Variants in AUH observed in about 807,000 individuals in gnomAD.
AUH encodes AU RNA binding methylglutaconyl-CoA hydratase.
A neutral mutation model predicts 42.3 loss-of-function variants in AUH; 29 were observed. The observed-to-expected ratio is 0.69, with a 90% CI of 0.51 to 0.93. AUH has a LOEUF of 0.93. Among genes scored for constraint, AUH ranks in the 40% least tolerant of loss-of-function variants. The pLI is 0.00. For synonymous variants in AUH, 174 were observed against 166.4 expected (o/e 1.05, Z -0.35); for missense variants, 452 against 438.1 (o/e 1.03, Z -0.28).
chr9:91,318,902 C>G (rs1829361277), intron 4 of AUH, among the ~76,000 whole-genome samples: 1 of 152,190 alleles, frequency 6.6e-6, no homozygotes, highest in Admixed American at 6.5e-5. Context: ...AAAATTCACA[C>G]TCTTTATCAT....
chr9:91,265,120 T>C (rs1302902274), intron 6 of AUH, among the ~76,000 whole-genome samples: 1 of 152,126 alleles, frequency 6.6e-6, no homozygotes, highest in Non-Finnish European at 1.5e-5. Flanking sequence ...TGGCTTTCAG[T>C]GGGTCTTTTT....
At chr9:91,342,698 CCAAT>C (rs1831197082) in intron 3 of AUH, 1 of 152,138 alleles carries the variant, frequency 6.6e-6, no homozygotes, top group African/African-American at 2.4e-5. Context: ...TTAGCAACAA[CCAAT>C]CAATCATTAC....
chr9:91,296,668 A>C (rs905121038), intron 5 of AUH, among the ~76,000 whole-genome samples: 1 of 152,202 alleles, frequency 6.6e-6, no homozygotes, highest in Non-Finnish European at 1.5e-5. Flanking sequence ...CCCATATTCT[A>C]ATTTCCAAAA....
intron 6 of AUH, among the ~76,000 whole-genome samples, chr9:91,255,251 G>A (rs1829347755): frequency 6.6e-6 from 1 of 152,150 alleles, no homozygotes; most frequent in Non-Finnish European, 1.5e-5. Flanking sequence ...CCCAGCATAA[G>A]AAAAGAAGTT....
intron 4 of AUH, among the ~76,000 whole-genome samples, chr9:91,314,330 C>T (rs1416998337): frequency 6.6e-6 from 1 of 151,250 alleles, no homozygotes; most frequent in Non-Finnish European, 1.5e-5. Flanking sequence ...CATGACGAAA[C>T]AACACAAAAC....
rs189904677 is a variant in AUH, at chr9:91,224,345, T to C, written c.656-3353A>G. Among the ~76,000 whole-genome samples, 540 of 152,336 alleles carry C rather than the reference T, an allele frequency of 3.5e-3. 14 individuals carry two copies. The highest frequency in any genetic ancestry group is 0.033 in the Admixed American group (507 of 15,304). ...TGTTGAGTTACAGGAGTTCTTTATA[T>C]ATTCTGGATATTAATCCTTTATCAG... On this transcript the variant is annotated intron_variant, in intron 6 of 9. Coordinates refer to ENST00000375731, the MANE Select transcript of AUH (RefSeq NM_001698.3).
chr9:91,230,105 C>A (rs988257790), intron 6 of AUH, among the ~76,000 whole-genome samples: 14 of 151,222 alleles, frequency 9.3e-5, no homozygotes, highest in Non-Finnish European at 1.9e-4. Flanking sequence ...TGTTGGCCTG[C>A]CTTGCTAGAT....
chr9:91,230,538 C>T (rs529393043), intron 6 of AUH, among the ~76,000 whole-genome samples: 10 of 152,302 alleles, frequency 6.6e-5, no homozygotes, highest in African/African-American at 1.7e-4. Flanking sequence ...TCGTCTGAAG[C>T]CTTCTTCTCT....
chr9:91,228,079 G>C (rs1394419491), intron 6 of AUH, among the ~76,000 whole-genome samples: 1 of 152,168 alleles, frequency 6.6e-6, no homozygotes, highest in African/African-American at 2.4e-5. Context: ...AAATGAGTTA[G>C]GGAGGATTCC....
At chr9:91,270,475 C>T (rs575539800) in intron 6 of AUH, among the ~76,000 whole-genome samples, 29 of 152,170 alleles carry the variant, frequency 1.9e-4, no homozygotes, top group Non-Finnish European at 3.7e-4. Flanking sequence ...TAAAAAGCAA[C>T]AAACGTCTAC....
In AUH at chr9:91,295,253, G is replaced by A. The variant is rs192368304; in HGVS notation, c.655+768C>T. On this transcript the variant is annotated intron_variant, in intron 6 of 9. Coordinates refer to ENST00000375731, the MANE Select transcript of AUH (RefSeq NM_001698.3). Reference sequence around the variant, plus strand: ...TTTCCTTTATAAATTACCCAGTCTCGCATATGTCTTTATTAGCTGCATGAG... The same window carrying A: ...TTTCCTTTATAAATTACCCAGTCTCACATATGTCTTTATTAGCTGCATGAG... 1.9e-3 allele frequency among the ~76,000 whole-genome samples: 286 copies of A among 152,148 alleles called. 1 individual carries two copies. Among genetic ancestry groups the A allele is most frequent in the African/African-American group, 6.6e-3 (275 of 41,508 alleles).
chr9:91,314,547 T>A (rs932299371), intron 4 of AUH, among the ~76,000 whole-genome samples: 4 of 146,074 alleles, frequency 2.7e-5, no homozygotes, highest in Non-Finnish European at 4.5e-5. Context: ...TTTCTAGACA[T>A]GTAAAATCTT....
chr9:91,227,022 C>T (rs1700928020), intron 6 of AUH, among the ~76,000 whole-genome samples: 1 of 151,888 alleles, frequency 6.6e-6, no homozygotes, highest in African/African-American at 2.4e-5. Context: ...TTAGGAATGA[C>T]TTGGCAATGC....
At chr9:91,264,382 T>C (rs1025915059) in intron 6 of AUH, among the ~76,000 whole-genome samples, 3 of 152,124 alleles carry the variant, frequency 2.0e-5, no homozygotes, top group African/African-American at 7.2e-5. Context: ...GAGCATAAGG[T>C]TGAAGTGGAG....
chr9:91,318,470 T>C (rs1340763081), intron 4 of AUH, among the ~76,000 whole-genome samples: 1 of 152,204 alleles, frequency 6.6e-6, no homozygotes, highest in Non-Finnish European at 1.5e-5. Context: ...CTTTCATGCC[T>C]GATGCACATG....
At chr9:91,342,085 T>C (rs959063693) in intron 3 of AUH, among the ~76,000 whole-genome samples, 1 of 152,152 alleles carries the variant, frequency 6.6e-6, no homozygotes, top group Non-Finnish European at 1.5e-5. Context: ...GCTGGACAAA[T>C]AACTACAAGC....
chr9:91,357,696 T>C (rs1412650169), intron 1 of AUH, among the ~76,000 whole-genome samples: 2 of 152,078 alleles, frequency 1.3e-5, no homozygotes. Context: ...CAGTGAAGGT[T>C]AGAAGGATAA....
chr9:91,244,186 C>T (rs1828670881), intron 6 of AUH, among the ~76,000 whole-genome samples: 5 of 152,134 alleles, frequency 3.3e-5, no homozygotes, highest in Admixed American at 3.3e-4. Context: ...AAAAACTACC[C>T]ACAACATATA....
At chr9:91,300,704 A>T (rs529673707) in intron 4 of AUH, among the ~76,000 whole-genome samples, 7 of 152,378 alleles carry the variant, frequency 4.6e-5, no homozygotes, top group Admixed American at 2.6e-4. Flanking sequence ...GGCACCTGGA[A>T]CTAAGTTCTG....
Sources: allele counts gnomAD v4.1 joint callset (sites outside exome capture counted in the v4.1 genomes callset), GRCh38; gene constraint gnomAD v4.1.1; transcripts MANE v1.5; gene names NCBI Gene and HGNC (gene_info 2026-07-23, HGNC 2026-07-21).